ATP6V0A4: variants seen among roughly 807,000 people sequenced by gnomAD.
ATP6V0A4 encodes the protein V-type proton ATPase 116 kDa subunit a 4.
Under a neutral mutation model 107.3 loss-of-function variants are expected in ATP6V0A4, and 86 were observed. That is an observed-to-expected ratio of 0.80 (90% confidence interval 0.67 to 0.96). The LOEUF (loss-of-function observed/expected upper bound fraction) is 0.96, where lower values mean the gene tolerates loss of function less well. ATP6V0A4 is among the 40% of genes least tolerant of loss of function. The pLI is 0.00. For synonymous variants in ATP6V0A4, 353 were observed against 381.4 expected (o/e 0.93, Z 0.87); for missense variants, 908 against 1,045.6 (o/e 0.87, Z 1.81).
chr7:138,789,279 G>A (rs112367574), intron 1 of ATP6V0A4, among the ~76,000 whole-genome samples: 5,259 of 151,524 alleles, frequency 0.035, 300 homozygotes, highest in African/African-American at 0.12. Flanking sequence ...ACAGAGTCTC[G>A]CTCTGTTGCC....
chr7:138,755,017 G>T (rs986452387), intron 10 of ATP6V0A4, among the ~76,000 whole-genome samples: 5 of 152,212 alleles, frequency 3.3e-5, no homozygotes, highest in Non-Finnish European at 7.3e-5. Flanking sequence ...GCCACATGTG[G>T]CTCGTGACTA....
intron 1 of ATP6V0A4, among the ~76,000 whole-genome samples, chr7:138,792,344 G>C (rs778810703): frequency 1.2e-4 from 19 of 152,166 alleles, no homozygotes; most frequent in Non-Finnish European, 2.2e-4. Flanking sequence ...AGTGGTGAAA[G>C]TGTCAATTAA....
rs140346559 is a variant in ATP6V0A4 at position 138,764,888 on chromosome 7, G to T, written c.292-1863C>A. The T allele has an allele frequency of 1.2e-3, 182 of 154,580 alleles. 2 individuals carry two copies. The East Asian group carries it at 0.03, about 26-fold the overall frequency. The allele number at this position is 154,580 out of a possible 1,614,324, so 9.6% of individuals were successfully genotyped here. On this transcript the variant is annotated intron_variant, in intron 5 of 21. Transcript: ENST00000310018. Reference sequence around the variant, plus strand: ...GCTCACTGCAAACTCCACCTCTCGGGTTCAAGTGATTCTCTTGCCTCAGCC... The same window carrying T: ...GCTCACTGCAAACTCCACCTCTCGGTTTCAAGTGATTCTCTTGCCTCAGCC...
intron 3 of ATP6V0A4, among the ~76,000 whole-genome samples, chr7:138,769,696 G>A (rs899100694): frequency 4.6e-5 from 7 of 152,150 alleles, no homozygotes; most frequent in Non-Finnish European, 1.0e-4. Context: ...CCATGCACAA[G>A]ACAGGTGAGT....
chr7:138,745,028 G>C (rs1237993944), intron 14 of ATP6V0A4, 95 bp downstream of exon 14: 1 of 1,158,706 alleles, frequency 8.6e-7, no homozygotes, highest in East Asian at 2.3e-5. Context: ...GTGCACCTCT[G>C]AGTAGACCTA....
intron 4 of ATP6V0A4, 39 bp downstream of exon 4, chr7:138,769,134 A>G: frequency 1.3e-6 from 2 of 1,564,108 alleles, no homozygotes; most frequent in East Asian, 2.2e-5. Context: ...GCCAGTTCAC[A>G]TTTGAACAGT....
At chr7:138,777,615 CAAAA>C (rs67200252) in intron 2 of ATP6V0A4, among the ~76,000 whole-genome samples, 3 of 112,048 alleles carry the variant, frequency 2.7e-5, no homozygotes, top group Admixed American at 9.5e-5. Context: ...AACTCCGTCT[CAAAA>C]AAAAAAAAAA....
In ATP6V0A4 at chr7:138,721,924, G is replaced by A. The variant is rs369596323; in HGVS notation, c.2112C>T (p.His704=). 3.3e-5 allele frequency: 53 copies of A among 1,614,038 alleles called. No homozygotes were observed. The highest frequency in any genetic ancestry group is 1.2e-4 in the Admixed American group (7 of 59,996). Reference sequence around the variant, plus strand: ...CTTCTCCATGGTCGTCCAGAGCCCCGTGGGTATCTGCAGAAGTCCTCTGGC... The same window carrying A: ...CTTCTCCATGGTCGTCCAGAGCCCCATGGGTATCTGCAGAAGTCCTCTGGC... ...RSGQRTSADT[H]GALDDHGEEF... The change falls in exon 19 of 22, where the codon CAC becomes CAT. Residue 704 remains histidine, a synonymous_variant. Coordinates refer to ENST00000310018, the MANE Select transcript of ATP6V0A4 (RefSeq NM_020632.3).
intron 8 of ATP6V0A4, among the ~76,000 whole-genome samples, chr7:138,759,546 T>G (rs1197597047): frequency 1.3e-5 from 2 of 152,118 alleles, no homozygotes; most frequent in African/African-American, 2.4e-5. Context: ...TATGAGGTGT[T>G]GACAAGAATC....
rs1426485580 is a variant in ATP6V0A4, at chr7:138,733,238, C to A, written c.1692-145G>T. 1.0e-5 allele frequency: 14 copies of A among 1,359,798 alleles called. No individual in the cohort carries two copies. In the South Asian group the frequency reaches 1.7e-4, roughly 16 times the overall value. 84.2% of individuals were successfully genotyped at this position (1,359,798 alleles called of 1,614,324 possible). A position where few individuals can be genotyped will look rare whatever the true frequency, so the allele number is the denominator to read the frequency against. ...GCAAACAACGGCACCCCCCACCCCC[C>A]CAGCAAACAGCAATCCTGTATGGAT... On this transcript the variant is annotated intron_variant, in intron 16 of 21. Transcript: ENST00000310018.
rs775496062 is a variant in ATP6V0A4 at position 138,755,738 on chromosome 7, C to A, written c.767G>T (p.Arg256Leu). The A allele has an allele frequency of 3.1e-6, 5 of 1,613,772 alleles. No homozygotes were observed. The South Asian group carries it at 4.4e-5, about 14-fold the overall frequency. The change falls in exon 10 of 22, where the codon CGC becomes CTC. Residue 256 changes from arginine (R) to leucine (L), a missense_variant. Coordinates refer to ENST00000310018, the MANE Select transcript of ATP6V0A4 (RefSeq NM_020632.3). ...VYPCPEPAVE[R>L]REMLESVNVR... Reference sequence around the variant, plus strand: ...ATTGACGCTCTCCAACATCTCTCTGCGCTCCACCGCAGGCTCTGGGCAAGG... The same window carrying A: ...ATTGACGCTCTCCAACATCTCTCTGAGCTCCACCGCAGGCTCTGGGCAAGG...
chr7:138,767,748 C>G (rs1807168722), intron 5 of ATP6V0A4, among the ~76,000 whole-genome samples: 1 of 151,956 alleles, frequency 6.6e-6, no homozygotes, highest in African/African-American at 2.4e-5. Flanking sequence ...GGATAAAATA[C>G]CTGCTTTTTC....
intron 2 of ATP6V0A4, among the ~76,000 whole-genome samples, chr7:138,782,451 G>A (rs1418742939): frequency 6.6e-6 from 1 of 152,064 alleles, no homozygotes; most frequent in Non-Finnish European, 1.5e-5. Context: ...CAGATCCTCC[G>A]GATTAGAACT....
intron 14 of ATP6V0A4, 48 bp downstream of exon 14, chr7:138,745,075 G>A (rs1371615661): frequency 6.5e-7 from 1 of 1,533,078 alleles, no homozygotes; most frequent in Non-Finnish European, 9.0e-7. Flanking sequence ...CAGTCACTGA[G>A]GCCACCTGGA....
At position 138,707,232 on chromosome 7, in the gene ATP6V0A4, T is replaced by TAATATATATTATATTATATAG. The variant is rs1431720627; in HGVS notation, c.2430-536_2430-516dup. 3.7e-5 allele frequency among the ~76,000 whole-genome samples: 3 copies of TAATATATATTATATTATATAG among 81,152 alleles called. No homozygotes were observed. The East Asian group carries it at 7.9e-4, about 21-fold the overall frequency. 53.2% of individuals were successfully genotyped at this position (81,152 alleles called of 152,430 possible). A position where few individuals can be genotyped will look rare whatever the true frequency, so the allele number is the denominator to read the frequency against. On this transcript the variant is annotated intron_variant, in intron 21 of 21. Coordinates refer to ENST00000310018, the MANE Select transcript of ATP6V0A4 (RefSeq NM_020632.3). ...ATTATATTATATAGAATATATTATATAATATATATTATATTATATAGAATA... is the reference window on the plus strand; with the variant it reads ...ATTATATTATATAGAATATATTATATAATATATATTATATTATATAGAATATATATTATATTATATAGAATA...
At chr7:138,771,707 C>T (rs375910006) in intron 2 of ATP6V0A4, among the ~76,000 whole-genome samples, 1 of 152,142 alleles carries the variant, frequency 6.6e-6, no homozygotes, top group South Asian at 2.1e-4. Context: ...GCAGCCTCAA[C>T]CTCCTGGGCT....
chr7:138,741,327 G>A (rs1805623368), intron 14 of ATP6V0A4, among the ~76,000 whole-genome samples: 1 of 152,122 alleles, frequency 6.6e-6, no homozygotes, highest in Non-Finnish European at 1.5e-5. Context: ...TGCAGTGGCA[G>A]CAGCTGACCG....
intron 15 of ATP6V0A4, among the ~76,000 whole-genome samples, chr7:138,739,160 G>A (rs1805489191): frequency 6.6e-6 from 1 of 152,110 alleles, no homozygotes; most frequent in African/African-American, 2.4e-5. Flanking sequence ...TTAGAAAAAA[G>A]GGAAATGTTT....
intron 9 of ATP6V0A4, 122 bp from the exon 10 acceptor site, chr7:138,755,904 C>T (rs1806489921): frequency 1.3e-6 from 2 of 1,524,116 alleles, no homozygotes; most frequent in African/African-American, 1.4e-5. Flanking sequence ...CCTAGAATAA[C>T]TGCGTCTTTG....
Sources: allele counts gnomAD v4.1 joint callset (sites outside exome capture counted in the v4.1 genomes callset), GRCh38; gene constraint gnomAD v4.1.1; transcripts MANE v1.5; gene names NCBI Gene and HGNC (gene_info 2026-07-23, HGNC 2026-07-21).